Variants in ROBO2 observed in about 807,000 individuals in gnomAD.
ROBO2 encodes roundabout homolog 2.
In ROBO2, 53 loss-of-function variants were observed where a neutral mutation model predicts 160.8. That is an observed-to-expected ratio of 0.33 (90% confidence interval 0.26 to 0.41). ROBO2 has a LOEUF of 0.41. ROBO2 is among the 10% of genes least tolerant of loss of function. The probability of loss-of-function intolerance (pLI) is 1.00; values close to 1 mark genes in which losing one functional copy is unlikely to be tolerated. For missense variants in ROBO2, 1,577 were observed against 1,722.4 expected (o/e 0.92, Z 1.49); for synonymous variants, 664 against 611.7 (o/e 1.09, Z -1.26).
chr3:77,211,743 A>AT (rs1280824560), intron 2 of ROBO2, among the ~76,000 whole-genome samples: 1 of 152,176 alleles, frequency 6.6e-6, no homozygotes, highest in Non-Finnish European at 1.5e-5. Flanking sequence ...TCTTGAATTA[A>AT]TTTTTGTATA....
chr3:77,252,807 C>CAAAAAAAAAAAAA (rs1182786373), intron 2 of ROBO2, among the ~76,000 whole-genome samples: 2 of 32,054 alleles, frequency 6.2e-5, no homozygotes, highest in African/African-American at 2.9e-4. Context: ...GACTCCATCT[C>CAAAAAAAAAAAAA]AAAAAAAAAA....
rs1045122296 is a variant in ROBO2 at position 76,622,082 on chromosome 3, G to C, written c.110-475932G>C. 8.5e-4 allele frequency among the ~76,000 whole-genome samples: 57 copies of C among 66,880 alleles called. 1 individual carries two copies. In the Admixed American group the frequency reaches 0.01, roughly 12 times the overall value. The allele number at this position is 66,880 out of a possible 152,430, so 43.9% of individuals were successfully genotyped here. On this transcript the variant is annotated intron_variant, in intron 2 of 26. Transcript: ENST00000487694. ...AATAAGATCTATTCTTGTGGCTCAT[G>C]TGTGTAATCCCAGTACCTTGGGAGG...
chr3:76,901,363 A>G (rs1302268507), intron 2 of ROBO2, among the ~76,000 whole-genome samples: 1 of 152,050 alleles, frequency 6.6e-6, no homozygotes, highest in East Asian at 1.9e-4. Context: ...TAGGCACTCA[A>G]CATATATCTA....
chr3:76,532,999 CCA>C (rs1288473585), intron 2 of ROBO2, among the ~76,000 whole-genome samples: 2 of 152,140 alleles, frequency 1.3e-5, no homozygotes, highest in African/African-American at 2.4e-5. Flanking sequence ...TGGATGATAT[CCA>C]GTTACTTTCA....
At chr3:76,754,957 G>T (rs2060884870) in intron 2 of ROBO2, among the ~76,000 whole-genome samples, 1 of 151,770 alleles carries the variant, frequency 6.6e-6, no homozygotes, top group South Asian at 2.1e-4. Flanking sequence ...AAACACAATG[G>T]CTATTTAGGT....
At chr3:77,266,188 C>CTT (rs879905756) in intron 2 of ROBO2, among the ~76,000 whole-genome samples, 1 of 144,986 alleles carries the variant, frequency 6.9e-6, no homozygotes, top group Admixed American at 7.0e-5. Flanking sequence ...TTTATTTCTA[C>CTT]TTTTTTTTTT....
At chr3:76,336,936 G>T (rs559266199) in intron 2 of ROBO2, among the ~76,000 whole-genome samples, 12 of 151,970 alleles carry the variant, frequency 7.9e-5, no homozygotes, top group African/African-American at 2.4e-4. Flanking sequence ...AATGTTTGCA[G>T]TTATGAATTT....
intron 2 of ROBO2, among the ~76,000 whole-genome samples, chr3:76,116,690 A>T (rs2070485251): frequency 6.6e-6 from 1 of 152,152 alleles, no homozygotes; most frequent in South Asian, 2.1e-4. Flanking sequence ...ATTTTATCTT[A>T]AATTTATTTG....
intron 2 of ROBO2, among the ~76,000 whole-genome samples, chr3:76,879,410 A>T (rs1225596415): frequency 6.6e-6 from 1 of 152,138 alleles, no homozygotes; most frequent in Admixed American, 6.6e-5. Flanking sequence ...CATTTTGCTT[A>T]TCAAGGTGCT....
intron 2 of ROBO2, among the ~76,000 whole-genome samples, chr3:76,678,513 A>T (rs1305758527): frequency 6.6e-6 from 1 of 152,196 alleles, no homozygotes; most frequent in Admixed American, 6.5e-5. Flanking sequence ...AATGTAATTA[A>T]TATAAGACAA....
chr3:76,753,264 T>C (rs555377771), intron 2 of ROBO2, among the ~76,000 whole-genome samples: 20 of 151,986 alleles, frequency 1.3e-4, no homozygotes, highest in African/African-American at 4.8e-4. Flanking sequence ...TCCAACAAAA[T>C]GGTGATTAGA....
chr3:76,014,488 CGTGT>C (rs2066338167), intron 2 of ROBO2, among the ~76,000 whole-genome samples: 1 of 79,034 alleles, frequency 1.3e-5, no homozygotes, highest in Admixed American at 1.3e-4. Flanking sequence ...GTGGCTTATG[CGTGT>C]AATCCCAGAA....
rs562992603 is a variant in ROBO2, at chr3:76,533,867, G to C, written c.110-564147G>C. On this transcript the variant is annotated intron_variant, in intron 2 of 26. Transcript: ENST00000487694. ...TGATCAGTTAGGGTAGGGCAGGAAC[G>C]AGTCATAGTGGTGGAAGGTCATATG... Among the ~76,000 whole-genome samples the C allele has an allele frequency of 1.9e-3, 284 of 152,084 alleles. 3 individuals carry two copies. The highest frequency in any genetic ancestry group is 5.6e-3 in the East Asian group (29 of 5,158).
intron 1 of ROBO2, among the ~76,000 whole-genome samples, chr3:77,077,947 C>G (rs1023813302): frequency 2.6e-5 from 4 of 152,038 alleles, no homozygotes; most frequent in African/African-American, 9.7e-5. Flanking sequence ...CTTTTGTGAG[C>G]CTCCTTGGCA....
intron 2 of ROBO2, among the ~76,000 whole-genome samples, chr3:77,328,798 G>T (rs2153439526): frequency 6.6e-6 from 1 of 152,226 alleles, no homozygotes; most frequent in Non-Finnish European, 1.5e-5. Context: ...TGCTGTTCTT[G>T]GTCTTTGGCA....
chr3:77,509,259 G>T (rs1582575852), intron 5 of ROBO2, among the ~76,000 whole-genome samples: 1 of 152,006 alleles, frequency 6.6e-6, no homozygotes, highest in South Asian at 2.1e-4. Flanking sequence ...GGGTAGAAAG[G>T]CCTTTTGTAT....
At chr3:76,567,654 CACAT>C (rs1553805766) in intron 2 of ROBO2, among the ~76,000 whole-genome samples, 1 of 41,646 alleles carries the variant, frequency 2.4e-5, no homozygotes, top group East Asian at 8.6e-4. Context: ...TATATATATA[CACAT>C]ACACATATAT....
At chr3:76,196,728 T>C (rs528157835) in intron 2 of ROBO2, among the ~76,000 whole-genome samples, 1 of 152,250 alleles carries the variant, frequency 6.6e-6, no homozygotes, top group East Asian at 1.9e-4. Flanking sequence ...TAATTACATC[T>C]GAGATGTAAG....
At chr3:76,769,866 A>G (rs956942538) in intron 2 of ROBO2, among the ~76,000 whole-genome samples, 1 of 151,294 alleles carries the variant, frequency 6.6e-6, no homozygotes, top group African/African-American at 2.4e-5. Flanking sequence ...ATTCTTGCTC[A>G]TCTCTTCCAT....
Sources: gnomAD v4.1 joint callset for allele counts (sites outside exome capture counted in the v4.1 genomes callset) on GRCh38, gnomAD v4.1.1 for gene constraint, MANE v1.5 for transcripts, NCBI Gene and HGNC (gene_info 2026-07-23, HGNC 2026-07-21) for gene names.